ALMS1: variants seen among roughly 807,000 people sequenced by gnomAD.
The protein encoded by ALMS1 is ALMS1 centrosome and basal body associated protein, also known as centrosome-associated protein ALMS1.
A neutral mutation model predicts 352.2 loss-of-function variants in ALMS1; 271 were observed. The observed-to-expected ratio is 0.77, with a 90% CI of 0.70 to 0.85. The LOEUF is 0.85. Ranked by LOEUF, ALMS1 falls within the 40% of genes least tolerant of loss-of-function variation. The pLI is 0.00. For synonymous variants in ALMS1, 1,865 were observed against 1,761.2 expected (o/e 1.06, Z -1.48); for missense variants, 5,445 against 4,870.7 (o/e 1.12, Z -3.51).
At chr2:73,534,042 G>T (rs1048651156) in intron 11 of ALMS1, among the ~76,000 whole-genome samples, 1 of 152,048 alleles carries the variant, frequency 6.6e-6, no homozygotes, top group Non-Finnish European at 1.5e-5. Context: ...GCTAAGAGTT[G>T]ACTATATTTA....
intron 2 of ALMS1, among the ~76,000 whole-genome samples, chr2:73,411,455 A>G (rs1355487877): frequency 6.6e-6 from 1 of 152,108 alleles, no homozygotes; most frequent in Non-Finnish European, 1.5e-5. Context: ...AGCCCTAGGA[A>G]ACTAATACCG....
intron 9 of ALMS1, among the ~76,000 whole-genome samples, chr2:73,487,808 A>T (rs1421852373): frequency 6.6e-6 from 1 of 151,908 alleles, no homozygotes; most frequent in Non-Finnish European, 1.5e-5. Context: ...CATCCTGATG[A>T]CTGTCCATCT....
chr2:73,409,421 C>G (rs969285863), intron 2 of ALMS1, among the ~76,000 whole-genome samples: 1 of 151,866 alleles, frequency 6.6e-6, no homozygotes, highest in Non-Finnish European at 1.5e-5. Context: ...CCTCAGGACT[C>G]TTTATATTCT....
intron 16 of ALMS1, among the ~76,000 whole-genome samples, chr2:73,576,689 C>T (rs528824034): frequency 6.6e-6 from 1 of 151,214 alleles, no homozygotes; most frequent in African/African-American, 2.4e-5. Flanking sequence ...GACGTGATCT[C>T]AGCTCACTGC....
chr2:73,573,539 T>G, intron 16 of ALMS1, 115 bp downstream of exon 16: 2 of 1,044,114 alleles, frequency 1.9e-6, no homozygotes. Context: ...CTCTATACCA[T>G]TTCTTACCAA....
At chr2:73,481,840 T>C (rs868462888) in intron 9 of ALMS1, among the ~76,000 whole-genome samples, 3 of 151,346 alleles carry the variant, frequency 2.0e-5, no homozygotes, top group African/African-American at 7.3e-5. Context: ...TTTGAAGCAA[T>C]TGTGAATGGG....
At chr2:73,521,745 G>A (rs549269549) in intron 11 of ALMS1, among the ~76,000 whole-genome samples, 4 of 151,704 alleles carry the variant, frequency 2.6e-5, no homozygotes, top group African/African-American at 9.7e-5. Context: ...GCGAGACTCC[G>A]TTTCCAAAAA....
At chr2:73,608,221 C>A (rs138023319) in intron 21 of ALMS1, among the ~76,000 whole-genome samples, 2 of 152,330 alleles carry the variant, frequency 1.3e-5, no homozygotes, top group East Asian at 3.9e-4. Context: ...TCCTTTCCCC[C>A]CTTTATCCCA....
At chr2:73,531,249 G>T (rs1402687691) in intron 11 of ALMS1, among the ~76,000 whole-genome samples, 2 of 152,120 alleles carry the variant, frequency 1.3e-5, no homozygotes, top group African/African-American at 4.8e-5. Flanking sequence ...GTACATAACT[G>T]AATGCTTTCA....
intron 16 of ALMS1, among the ~76,000 whole-genome samples, chr2:73,593,726 A>G (rs1675481625): frequency 1.3e-5 from 2 of 152,214 alleles, no homozygotes; most frequent in African/African-American, 4.8e-5. Context: ...GTAAACATTA[A>G]CAATCAATCT....
chr2:73,551,426 T>C (rs1227450450), intron 13 of ALMS1, among the ~76,000 whole-genome samples: 990 of 73,114 alleles, frequency 0.014, 30 homozygotes, highest in African/African-American at 0.054. Context: ...AGTTTCAATC[T>C]TTTTTTTTTT....
At chr2:73,483,235 C>A (rs1317213255) in intron 9 of ALMS1, among the ~76,000 whole-genome samples, 2 of 150,950 alleles carry the variant, frequency 1.3e-5, no homozygotes, top group Non-Finnish European at 3.0e-5. Context: ...CCTCTACACA[C>A]TGCTTTGAAT....
chr2:73,463,377 C>G (rs570427213), intron 9 of ALMS1, among the ~76,000 whole-genome samples: 47 of 151,392 alleles, frequency 3.1e-4, no homozygotes, highest in South Asian at 2.7e-3. Context: ...AATGAAGGCA[C>G]AAATAAAGAT....
intron 2 of ALMS1, among the ~76,000 whole-genome samples, chr2:73,415,769 C>T (rs184252695): frequency 7.2e-5 from 11 of 152,162 alleles, no homozygotes; most frequent in African/African-American, 2.2e-4. Flanking sequence ...TGCAAGGAGA[C>T]GGTTCCATCA....
At position 73,566,914 on chromosome 2, in the gene ALMS1, C is replaced by T. The variant is rs1228856856; in HGVS notation, c.10385-5348C>T. 2.0e-5 allele frequency among the ~76,000 whole-genome samples: 3 copies of T among 152,316 alleles called. No homozygotes were observed. In the East Asian group the frequency reaches 5.8e-4, roughly 29 times the overall value. On this transcript the variant is annotated intron_variant, in intron 15 of 22. Coordinates refer to ENST00000613296, the MANE Select transcript of ALMS1 (RefSeq NM_001378454.1). Reference sequence around the variant, plus strand: ...TCCTGATTTTTTATGAAGGATATTTCAAAGGATACGCACGAACAACCAAAT... The same window carrying T: ...TCCTGATTTTTTATGAAGGATATTTTAAAGGATACGCACGAACAACCAAAT...
chr2:73,472,226 C>T (rs552604121), intron 9 of ALMS1, among the ~76,000 whole-genome samples: 4 of 151,984 alleles, frequency 2.6e-5, no homozygotes, highest in Admixed American at 2.6e-4. Context: ...AGGTAGGTAT[C>T]ACAGGCAAAG....
intron 9 of ALMS1, among the ~76,000 whole-genome samples, chr2:73,460,393 A>C (rs991481516): frequency 1.4e-4 from 21 of 152,224 alleles, no homozygotes; most frequent in African/African-American, 5.1e-4. Context: ...TGTTTTAAGA[A>C]TGTGGTAATA....
At chr2:73,604,217 G>A (rs552039052) in intron 21 of ALMS1, among the ~76,000 whole-genome samples, 16 of 152,106 alleles carry the variant, frequency 1.1e-4, no homozygotes, top group Non-Finnish European at 2.9e-5. Flanking sequence ...CATGATGAAC[G>A]AACATTAGCT....
chr2:73,411,918 A>C (rs527323967), intron 2 of ALMS1, among the ~76,000 whole-genome samples: 19 of 152,286 alleles, frequency 1.2e-4, no homozygotes, highest in African/African-American at 4.6e-4. Flanking sequence ...CTTTGTCATC[A>C]CCAGCTACTT....
Sources: gnomAD v4.1 joint callset for allele counts (sites outside exome capture counted in the v4.1 genomes callset) on GRCh38, gnomAD v4.1.1 for gene constraint, MANE v1.5 for transcripts, NCBI Gene and HGNC (gene_info 2026-07-23, HGNC 2026-07-21) for gene names.